KCNH8: variants seen among roughly 807,000 people sequenced by gnomAD.
The protein encoded by KCNH8 is potassium voltage-gated channel subfamily H member 8.
KCNH8 carries 70 observed loss-of-function variants against 103.6 expected under a neutral mutation model. That is an observed-to-expected ratio of 0.68 (90% CI 0.56 to 0.82). The LOEUF is 0.82. Among genes scored for constraint, KCNH8 ranks in the 40% least tolerant of loss-of-function variants. KCNH8 has a pLI of 0.00. For missense variants in KCNH8, 1,217 were observed against 1,329.9 expected (o/e 0.92, Z 1.32); for synonymous variants, 498 against 489.4 (o/e 1.02, Z -0.23).
At chr3:19,501,626 G>A (rs547039677) in intron 11 of KCNH8, among the ~76,000 whole-genome samples, 10 of 152,200 alleles carry the variant, frequency 6.6e-5, no homozygotes, top group South Asian at 2.1e-4. Flanking sequence ...TTCAACATAC[G>A]CAAATCAATA....
At chr3:19,212,572 G>A (rs1246430130) in intron 1 of KCNH8, among the ~76,000 whole-genome samples, 6 of 152,170 alleles carry the variant, frequency 3.9e-5, no homozygotes, top group Admixed American at 3.3e-4. Context: ...AAGGCATCTA[G>A]CACTGTACTT....
chr3:19,490,355 T>C (rs924668521), intron 11 of KCNH8, among the ~76,000 whole-genome samples: 6 of 152,130 alleles, frequency 3.9e-5, no homozygotes, highest in African/African-American at 1.4e-4. Flanking sequence ...GAGTGAGCAA[T>C]TACTGTCCCT....
intron 1 of KCNH8, among the ~76,000 whole-genome samples, chr3:19,155,152 A>T (rs1436498432): frequency 2.0e-5 from 3 of 152,168 alleles, no homozygotes; most frequent in African/African-American, 7.2e-5. Flanking sequence ...ATGAACTAAT[A>T]ATCTTTTCTA....
At chr3:19,376,044 G>T (rs1166088417) in intron 5 of KCNH8, among the ~76,000 whole-genome samples, 1 of 152,148 alleles carries the variant, frequency 6.6e-6, no homozygotes, top group Non-Finnish European at 1.5e-5. Context: ...GGTTACTGCT[G>T]TCTTTTTGTT....
At chr3:19,210,538 T>G (rs1036379767) in intron 1 of KCNH8, among the ~76,000 whole-genome samples, 2 of 151,838 alleles carry the variant, frequency 1.3e-5, no homozygotes, top group African/African-American at 2.4e-5. Flanking sequence ...TTCTTGTGCA[T>G]CACACTTCCT....
At chr3:19,394,691 AATT>A (rs1441664496) in intron 6 of KCNH8, among the ~76,000 whole-genome samples, 3 of 151,988 alleles carry the variant, frequency 2.0e-5, no homozygotes, top group Admixed American at 6.6e-5. Context: ...AATTTGTCTG[AATT>A]ATTATTATAA....
chr3:19,187,279 T>A lies in KCNH8; in HGVS notation c.76+38484T>A, dbSNP rs535831044. 2.6e-5 allele frequency among the ~76,000 whole-genome samples: 4 copies of A among 152,056 alleles called. No individual in the cohort carries two copies. In the South Asian group the frequency reaches 8.3e-4, roughly 31 times the overall value. On this transcript the variant is annotated intron_variant, in intron 1 of 15. Transcript: ENST00000328405. ...TATAGTAATAAGTTATTATACATAA[T>A]AAATGTAATATTGTTACATATGTAC... is the stretch of plus-strand genomic sequence containing the variant.
chr3:19,462,590 T>G (rs1327754876), intron 11 of KCNH8, among the ~76,000 whole-genome samples: 1 of 152,188 alleles, frequency 6.6e-6, no homozygotes, highest in African/African-American at 2.4e-5. Flanking sequence ...ATTCTGTAGG[T>G]TGCCTGTTCA....
Position 19,281,308 on chromosome 3 carries a change from A to C in KCNH8, c.421A>C (p.Thr141Pro). The part of the protein sequence containing the change: ...KDITDTKVKI[T>P]PEDKKEDKVK... ...TATAACAGATACAAAAGTGAAGATT[A>C]CTCCAGAAGATAAAAAAGAAGGTTT... Residue 141 changes from threonine to proline, a missense_variant, in exon 3 of 16, where the codon ACT (threonine) becomes CCT (proline). Physicochemically the swap from Thr to Pro is conservative, Grantham distance 38. Transcript: ENST00000328405. 6.2e-7 allele frequency: 1 copy of C among 1,604,502 alleles called. No individual in the cohort carries two copies. Among genetic ancestry groups the C allele is most frequent in the Non-Finnish European group, 8.5e-7 (1 of 1,176,518 alleles).
At chr3:19,185,915 T>G (rs2063498029) in intron 1 of KCNH8, among the ~76,000 whole-genome samples, 1 of 151,976 alleles carries the variant, frequency 6.6e-6, no homozygotes, top group African/African-American at 2.4e-5. Flanking sequence ...AACCTCTGCA[T>G]TCAATGTACA....
At chr3:19,291,627 GTTC>G (rs1036325339) in intron 3 of KCNH8, among the ~76,000 whole-genome samples, 11 of 152,158 alleles carry the variant, frequency 7.2e-5, no homozygotes, top group Non-Finnish European at 1.2e-4. Context: ...TATAATTTCT[GTTC>G]TTTTACACTT....
intron 11 of KCNH8, among the ~76,000 whole-genome samples, chr3:19,498,414 C>A (rs1024779160): frequency 6.6e-6 from 1 of 152,138 alleles, no homozygotes; most frequent in African/African-American, 2.4e-5. Flanking sequence ...GTGCTCCTTG[C>A]AGGACCTCTT....
intron 1 of KCNH8, among the ~76,000 whole-genome samples, chr3:19,183,352 C>A (rs1367996413): frequency 1.3e-5 from 2 of 152,050 alleles, no homozygotes; most frequent in Middle Eastern, 6.8e-3. Context: ...GTGTGGAGAC[C>A]AACTCTACCA....
At chr3:19,467,790 T>C (rs1050831925) in intron 11 of KCNH8, among the ~76,000 whole-genome samples, 53 of 152,190 alleles carry the variant, frequency 3.5e-4, no homozygotes, top group African/African-American at 1.3e-3. Flanking sequence ...CATGGGCTGG[T>C]AGTAACATCC....
chr3:19,200,927 T>A (rs2063652083), intron 1 of KCNH8, among the ~76,000 whole-genome samples: 1 of 151,814 alleles, frequency 6.6e-6, no homozygotes, highest in South Asian at 2.1e-4. Flanking sequence ...AAGCCGTTAT[T>A]CTCTTAAAAT....
At chr3:19,500,870 T>C (rs947267077) in intron 11 of KCNH8, among the ~76,000 whole-genome samples, 1 of 150,244 alleles carries the variant, frequency 6.7e-6, no homozygotes, top group Non-Finnish European at 1.5e-5. Flanking sequence ...AATTAAAAGA[T>C]CTAGAAAAGA....
intron 3 of KCNH8, among the ~76,000 whole-genome samples, chr3:19,288,820 G>C (rs1402507211): frequency 6.6e-6 from 1 of 152,160 alleles, no homozygotes; most frequent in African/African-American, 2.4e-5. Flanking sequence ...CTTCCACAAT[G>C]GTTGAACTAG....
intron 10 of KCNH8, among the ~76,000 whole-genome samples, chr3:19,453,292 T>C (rs1363426569): frequency 1.3e-5 from 2 of 152,132 alleles, no homozygotes; most frequent in African/African-American, 4.8e-5. Flanking sequence ...AAGTCCAGAC[T>C]TCACCACTAG....
At chr3:19,351,262 G>A (rs1193054382) in intron 5 of KCNH8, among the ~76,000 whole-genome samples, 2 of 152,142 alleles carry the variant, frequency 1.3e-5, no homozygotes, top group African/African-American at 2.4e-5. Context: ...CATCTGATTG[G>A]TGTACCTCAA....
Sources: allele counts gnomAD v4.1 joint callset (sites outside exome capture counted in the v4.1 genomes callset), GRCh38; gene constraint gnomAD v4.1.1; transcripts MANE v1.5; gene names NCBI Gene and HGNC (gene_info 2026-07-23, HGNC 2026-07-21).